OTOGL: variants seen among roughly 807,000 people sequenced by gnomAD.
The protein encoded by OTOGL is otogelin like.
In OTOGL, 285 loss-of-function variants were observed where a neutral mutation model predicts 318.5. The observed-to-expected ratio is 0.89, with a 90% CI of 0.81 to 0.99. OTOGL has a LOEUF of 0.99. Among genes scored for constraint, OTOGL ranks in the 50% least tolerant of loss-of-function variants. OTOGL has a pLI of 0.00. For missense variants in OTOGL, 2,899 were observed against 2,845.6 expected (o/e 1.02, Z -0.43); for synonymous variants, 987 against 936.5 (o/e 1.05, Z -0.99).
intron 11 of OTOGL, among the ~76,000 whole-genome samples, chr12:80,243,970 C>T (rs1196748189): frequency 6.6e-6 from 1 of 150,404 alleles, no homozygotes; most frequent in Non-Finnish European, 1.5e-5. Context: ...AACATTCCAC[C>T]AGTACAAACT....
chr12:80,356,924 G>A lies in OTOGL; in HGVS notation c.6019+10G>A. The stretch of plus-strand genomic sequence containing the variant: ...TTTTCCCCTTTTTGTGGTGAGTATT[G>A]TAGAGATAATTTCTTGGAAGAAGAG... On this transcript the variant is annotated intron_variant, in intron 49 of 58. Coordinates refer to ENST00000547103, the MANE Select transcript of OTOGL (RefSeq NM_001378609.3). 1 of 1,506,114 alleles carries A rather than the reference G, an allele frequency of 6.6e-7. No homozygotes were observed. The highest frequency in any genetic ancestry group is 8.9e-7 in the Non-Finnish European group (1 of 1,121,610). The allele number at this position is 1,506,114 out of a possible 1,614,324, so 93.3% of individuals were successfully genotyped here.
At chr12:80,101,896 G>A (rs1274154072) in intron 1 of OTOGL, among the ~76,000 whole-genome samples, 1 of 152,216 alleles carries the variant, frequency 6.6e-6, no homozygotes, top group Non-Finnish European at 1.5e-5. Flanking sequence ...ACTTTGGGAA[G>A]AGCTCCAATA....
intron 18 of OTOGL, among the ~76,000 whole-genome samples, chr12:80,259,286 C>T (rs1434439607): frequency 6.6e-6 from 1 of 151,378 alleles, no homozygotes; most frequent in African/African-American, 2.4e-5. Flanking sequence ...GTGGGCTGGG[C>T]AGCCAGGGGA....
chr12:80,137,737 G>C (rs943978187), intron 1 of OTOGL, among the ~76,000 whole-genome samples: 2 of 152,164 alleles, frequency 1.3e-5, no homozygotes, highest in Non-Finnish European at 2.9e-5. Flanking sequence ...AGGTTTATTA[G>C]TGTCATGTTC....
At chr12:80,200,593 G>A (rs1876387985) in intron 1 of OTOGL, among the ~76,000 whole-genome samples, 1 of 152,168 alleles carries the variant, frequency 6.6e-6, no homozygotes, top group Non-Finnish European at 1.5e-5. Flanking sequence ...CTTGACCTGT[G>A]GAGGGCAATG....
intron 1 of OTOGL, among the ~76,000 whole-genome samples, chr12:80,184,368 TA>T (rs1875138202): frequency 6.6e-6 from 1 of 152,224 alleles, no homozygotes; most frequent in African/African-American, 2.4e-5. Context: ...AGTGGCAGAA[TA>T]ATATATATCT....
intron 4 of OTOGL, among the ~76,000 whole-genome samples, chr12:80,214,725 C>T (rs2700475): frequency 6.6e-6 from 1 of 152,004 alleles, no homozygotes; most frequent in Non-Finnish European, 1.5e-5. Flanking sequence ...AATAGCAGTG[C>T]CTGTTATCTA....
Position 80,336,893 on chromosome 12 carries a change from T to C in OTOGL, c.4768-19T>C. 1 of 1,557,182 alleles carries C rather than the reference T, an allele frequency of 6.4e-7. No individual in the cohort carries two copies. The highest frequency in any genetic ancestry group is 8.7e-7 in the Non-Finnish European group (1 of 1,147,954). ...AATTGTGTTTAACTCCGTAAAGTTT[T>C]AATTTTTTTCAAATTAAGGCTCCCT... On this transcript the variant is annotated intron_variant, in intron 41 of 58. Coordinates refer to ENST00000547103, the MANE Select transcript of OTOGL (RefSeq NM_001378609.3).
At chr12:80,181,300 C>G (rs1258797868) in intron 1 of OTOGL, among the ~76,000 whole-genome samples, 1 of 151,438 alleles carries the variant, frequency 6.6e-6, no homozygotes, top group African/African-American at 2.4e-5. Flanking sequence ...TCCCCTTACC[C>G]CTGTATTTAG....
chr12:80,140,488 ATTTCTTTATTAC>A (rs1447026221), intron 1 of OTOGL, among the ~76,000 whole-genome samples: 1 of 152,190 alleles, frequency 6.6e-6, no homozygotes, highest in East Asian at 1.9e-4. Flanking sequence ...AATGTTATGA[ATTTCTTTATTAC>A]TTTCTTAAGA....
intron 1 of OTOGL, among the ~76,000 whole-genome samples, chr12:80,140,068 A>G (rs1052697806): frequency 2.0e-5 from 3 of 152,182 alleles, no homozygotes; most frequent in African/African-American, 4.8e-5. Flanking sequence ...GTTACATTCA[A>G]CAAATAATCA....
chr12:80,171,335 C>G (rs1320240233), intron 1 of OTOGL, among the ~76,000 whole-genome samples: 1 of 152,158 alleles, frequency 6.6e-6, no homozygotes, highest in East Asian at 1.9e-4. Context: ...CCACCTCAGC[C>G]TCCCAAAGTT....
intron 23 of OTOGL, among the ~76,000 whole-genome samples, chr12:80,270,473 G>A (rs1047747855): frequency 3.3e-5 from 5 of 152,126 alleles, no homozygotes; most frequent in South Asian, 2.1e-4. Flanking sequence ...GGCAAGTGTT[G>A]TAACCCATTT....
intron 52 of OTOGL, among the ~76,000 whole-genome samples, chr12:80,363,704 A>T (rs12811209): frequency 0.22 from 34,031 of 152,084 alleles, 6,013 homozygotes; most frequent in African/African-American, 0.49. Flanking sequence ...AACCAGCCTC[A>T]TTCAGAGCTC....
At chr12:80,301,056 C>A (rs983143649) in intron 27 of OTOGL, among the ~76,000 whole-genome samples, 2 of 152,140 alleles carry the variant, frequency 1.3e-5, no homozygotes, top group Non-Finnish European at 2.9e-5. Context: ...TATTTCATTT[C>A]CCCTTTGAAA....
rs1274274163 is a variant in OTOGL at position 80,358,346 on chromosome 12, T to A, written c.6118T>A (p.Cys2040Ser). The change falls in exon 50 of 59, where the codon TGT becomes AGT. Residue 2040 changes from cysteine (C) to serine (S), a missense_variant. Around this residue, in one of 3 missense-constraint regions of OTOGL, gnomAD observed 2,607 missense variants for 2,524.9 expected, o/e 1.03. Transcript: ENST00000547103. ...STHFCCPQYY[C>S]VCEPNLCPMP... ...ACACTTCTGTTGTCCTCAGTATTAC[T>A]GTGGTAAGTGTATATTAACTATTCT... 6 of 1,578,954 alleles carry A rather than the reference T, an allele frequency of 3.8e-6. No individual in the cohort carries two copies. The East Asian group carries it at 1.3e-4, about 35-fold the overall frequency.
rs760265627 is a variant in OTOGL at position 80,320,622 on chromosome 12, T to G, written c.4003T>G (p.Phe1335Val). Residue 1335 changes from phenylalanine to valine, a missense_variant, in exon 34 of 59, where the codon TTC (phenylalanine) becomes GTC (valine). Transcript: ENST00000547103. The stretch of plus-strand genomic sequence containing the variant: ...CAGCAAGAAAGGCTTTTTCATCATA[T>G]TCACAGATTCTAGTGTCAAAGCATC... ...LYSKKGFFII[F>V]TDSSVKASKY... The G allele has an allele frequency of 3.1e-6, 5 of 1,611,274 alleles. No individual in the cohort carries two copies. The highest frequency in any genetic ancestry group is 4.2e-6 in the Non-Finnish European group (5 of 1,178,436).
chr12:80,168,481 G>C (rs1258377288), intron 1 of OTOGL, among the ~76,000 whole-genome samples: 2 of 152,112 alleles, frequency 1.3e-5, no homozygotes, highest in African/African-American at 2.4e-5. Context: ...GGGGAATTAA[G>C]ATATGAAAAT....
intron 1 of OTOGL, chr12:80,103,192 G>T: frequency 2.2e-6 from 3 of 1,384,054 alleles, no homozygotes; most frequent in Non-Finnish European, 3.1e-6. Context: ...TTTCGGATGG[G>T]CATGGATCGC....
Sources: allele counts gnomAD v4.1 joint callset (sites outside exome capture counted in the v4.1 genomes callset), GRCh38; gene constraint gnomAD v4.1.1; regional missense constraint gnomAD v4.1.1; transcripts MANE v1.5; gene names NCBI Gene and HGNC (gene_info 2026-07-23, HGNC 2026-07-21).